TRANK1: variants seen among roughly 807,000 people sequenced by gnomAD.
TRANK1 encodes the protein TPR and ankyrin repeat-containing protein 1.
A neutral mutation model predicts 266.0 loss-of-function variants in TRANK1; 198 were observed. The observed-to-expected ratio is 0.74, with a 90% CI of 0.66 to 0.84. The LOEUF is 0.84. Ranked by LOEUF, TRANK1 falls within the 40% of genes least tolerant of loss-of-function variation. The pLI, the probability that TRANK1 is intolerant of heterozygous loss-of-function variation, is 0.00. For synonymous variants in TRANK1, 1,396 were observed against 1,384.1 expected, an observed-to-expected ratio of 1.01 and a Z score of -0.19; for missense variants, 3,326 against 3,634.6, an observed-to-expected ratio of 0.92 and a Z score of 2.18.
intron 18 of TRANK1, among the ~76,000 whole-genome samples, 188 bp downstream of exon 18, chr3:36,842,434 G>A (rs552333480): frequency 3.9e-5 from 6 of 152,374 alleles, no homozygotes; most frequent in Non-Finnish European, 8.8e-5. Flanking sequence ...TGTCATGCCT[G>A]CACTGACCAG....
chr3:36,844,754 G>C (rs1031116506), intron 17 of TRANK1, among the ~76,000 whole-genome samples: 31 of 152,070 alleles, frequency 2.0e-4, no homozygotes, highest in African/African-American at 7.0e-4. Context: ...CAATAGTCAA[G>C]TCTTAGGATA....
chr3:36,883,874 A>G (rs1326431530), intron 8 of TRANK1, among the ~76,000 whole-genome samples: 1 of 152,222 alleles, frequency 6.6e-6, no homozygotes, highest in East Asian at 1.9e-4. Flanking sequence ...GTGTCCTACA[A>G]ATTACTAACA....
chr3:36,869,489 T>C (rs1161270352), intron 9 of TRANK1, among the ~76,000 whole-genome samples: 2 of 152,216 alleles, frequency 1.3e-5, no homozygotes, highest in East Asian at 3.8e-4. Context: ...CTCAGGACCA[T>C]AGATGCAAAA....
chr3:36,843,901 T>C (rs9882911), intron 17 of TRANK1, among the ~76,000 whole-genome samples: 54,245 of 151,936 alleles, frequency 0.36, 10,076 homozygotes, highest in African/African-American at 0.41. Context: ...CCGTATGTGC[T>C]GCTATGAGTG....
At chr3:36,874,024 G>T in intron 9 of TRANK1, 102 bp downstream of exon 9, 3 of 968,776 alleles carry the variant, frequency 3.1e-6, no homozygotes, top group African/African-American at 1.7e-5. Flanking sequence ...ATATATATGT[G>T]TGTGTATATA....
At chr3:36,870,962 T>TAAAAAAAAAAAAAAAAAAGAAAAAAACA (rs2079299212) in intron 9 of TRANK1, among the ~76,000 whole-genome samples, 1 of 65,102 alleles carries the variant, frequency 1.5e-5, no homozygotes, top group Non-Finnish European at 2.9e-5. Flanking sequence ...ACAAGGAAAC[T>TAAAAAAAAAAAAAAAAAAGAAAAAAACA]AAAAAAAAAA....
At chr3:36,914,465 T>TC (rs1229199803) in intron 1 of TRANK1, among the ~76,000 whole-genome samples, 1 of 150,854 alleles carries the variant, frequency 6.6e-6, no homozygotes, top group East Asian at 1.9e-4. Flanking sequence ...TTTTTTTTTT[T>TC]TAAGTAAATT....
chr3:36,878,386 C>T (rs1350493654), intron 8 of TRANK1, among the ~76,000 whole-genome samples: 1 of 152,206 alleles, frequency 6.6e-6, no homozygotes, highest in African/African-American at 2.4e-5. Flanking sequence ...CTTTAGATTA[C>T]AAGACTTGGT....
chr3:36,831,985 A>G lies in TRANK1; in HGVS notation c.7598T>C (p.Leu2533Pro). The change falls in exon 22 of 24, where the codon CTA becomes CCA. Residue 2533 changes from leucine (L) to proline (P), a missense_variant. Physicochemically the swap from Leu to Pro is moderately conservative, Grantham distance 98 (BLOSUM62 -3). Transcript: ENST00000645898. The surrounding 1 kb of genome is among the most constrained non-coding windows in gnomAD (Gnocchi z 5.0). ...RFHLSYLAKV[L>P]CGYENVNFNV... ...GAAGTTCACATTCTCATAGCCACAT[A>G]GCACCTTGGCGAGGTAGGAGAGATG... The G allele has an allele frequency of 6.2e-7, 1 of 1,614,030 alleles. No homozygotes were observed. Among genetic ancestry groups the G allele is most frequent in the Non-Finnish European group, 8.5e-7 (1 of 1,179,906 alleles).
At chr3:36,935,017 C>T (rs1293650213) in intron 1 of TRANK1, among the ~76,000 whole-genome samples, 1 of 152,204 alleles carries the variant, frequency 6.6e-6, no homozygotes, top group Admixed American at 6.5e-5. Flanking sequence ...ATCTGTAAGA[C>T]AGTCCCCAAG....
chr3:36,908,663 A>C (rs766872382), intron 1 of TRANK1: 32 of 1,217,468 alleles, frequency 2.6e-5, no homozygotes, highest in Non-Finnish European at 3.3e-5. Flanking sequence ...TTCTGTTCTC[A>C]AGGGTGGCCA....
chr3:36,921,622 C>T (rs949915805), intron 1 of TRANK1, among the ~76,000 whole-genome samples: 9 of 152,162 alleles, frequency 5.9e-5, no homozygotes, highest in Non-Finnish European at 1.3e-4. Context: ...CACTGGCTCC[C>T]TGGTACCACG....
intron 8 of TRANK1, among the ~76,000 whole-genome samples, chr3:36,875,364 G>A (rs529922650): frequency 9.7e-4 from 147 of 152,238 alleles, no homozygotes; most frequent in Non-Finnish European, 1.7e-3. Flanking sequence ...AGGAATGTGT[G>A]TGGCCTGCAG....
chr3:36,858,115 G>T, intron 12 of TRANK1, 66 bp from the exon 13 acceptor site: 2 of 1,336,530 alleles, frequency 1.5e-6, no homozygotes, highest in Non-Finnish European at 2.0e-6. Flanking sequence ...CAGACCCTGG[G>T]GTTTGAGAGT....
intron 1 of TRANK1, among the ~76,000 whole-genome samples, chr3:36,941,731 A>AT (rs2080499307): frequency 6.6e-6 from 1 of 152,330 alleles, no homozygotes; most frequent in South Asian, 2.1e-4. Context: ...CAGCCCGACT[A>AT]TCAGTCTTTG....
chr3:36,921,247 C>T (rs1235369669), intron 1 of TRANK1, among the ~76,000 whole-genome samples: 6 of 152,138 alleles, frequency 3.9e-5, no homozygotes, highest in Non-Finnish European at 8.8e-5. Flanking sequence ...CCAACCCTAG[C>T]CAATAGGGAA....
chr3:36,858,910 A>G lies in TRANK1; in HGVS notation c.1496-16T>C, dbSNP rs2079095877. The G allele has an allele frequency of 1.3e-6, 2 of 1,526,172 alleles. No homozygotes were observed. Among genetic ancestry groups the G allele is most frequent in the Admixed American group, 2.0e-5 (1 of 49,194 alleles). 94.5% of individuals were successfully genotyped at this position (1,526,172 alleles called of 1,614,324 possible). On this transcript the variant is annotated splice_polypyrimidine_tract_variant and intron_variant, in intron 11 of 23. Transcript: ENST00000645898. ...TCAGGCAAGGCTGGGAGAGGAGAGAAGGGAAGCGCAATGTGAGCAGGCACA... is the reference window on the plus strand; with the variant it reads ...TCAGGCAAGGCTGGGAGAGGAGAGAGGGGAAGCGCAATGTGAGCAGGCACA...
rs77439454 is a variant in TRANK1, at chr3:36,838,776, G to A, written c.5281-60C>T. 3,347 of 1,505,768 alleles carry A rather than the reference G, an allele frequency of 2.2e-3. 72 individuals are homozygous for A. In the African/African-American group the frequency reaches 0.04, roughly 18 times the overall value. 93.3% of individuals were successfully genotyped at this position (1,505,768 alleles called of 1,614,324 possible). ...TAATGGAGGTAACAGACAGAACAAC[G>A]GTTAAAGCATGCATTATAAGTTTGT... On this transcript the variant is annotated intron_variant, in intron 18 of 23. Transcript: ENST00000645898.
chr3:36,908,260 T>C, intron 2 of TRANK1, 63 bp downstream of exon 2: 1 of 1,230,188 alleles, frequency 8.1e-7, no homozygotes, highest in Non-Finnish European at 1.0e-6. Context: ...TGAAAAGAAA[T>C]CATAAGGAAC....
Sources: allele counts gnomAD v4.1 joint callset (sites outside exome capture counted in the v4.1 genomes callset), GRCh38; gene constraint gnomAD v4.1.1; non-coding constraint Gnocchi (gnomAD v3.1); transcripts MANE v1.5; gene names NCBI Gene and HGNC (gene_info 2026-07-23, HGNC 2026-07-21).